Variants in OPRK1 observed in about 807,000 individuals in gnomAD.
The protein encoded by OPRK1 is opioid receptor kappa 1.
Under a neutral mutation model 24.5 loss-of-function variants are expected in OPRK1, and 15 were observed. The ratio of observed to expected loss-of-function variants is 0.61; its 90% CI spans 0.41 to 0.94. The LOEUF (loss-of-function observed/expected upper bound fraction) is 0.94. Among genes scored for constraint, OPRK1 ranks in the 40% least tolerant of loss-of-function variants. OPRK1 has a pLI of 0.00. For synonymous variants in OPRK1, 205 were observed against 198.0 expected (o/e 1.04, Z -0.30); for missense variants, 479 against 507.3 (o/e 0.94, Z 0.54).
In OPRK1 at chr8:53,229,134, C is replaced by A; in HGVS notation, c.*163G>T. ...TTTTGTCCTTGATGTTTCCACTGAT[C>A]ACGAACGTGGTCTGCATCTGATGAC... On this transcript the variant is annotated 3_prime_UTR_variant, in exon 4 of 4. Transcript: ENST00000265572. 1.3e-6 allele frequency: 1 copy of A among 779,150 alleles called. No homozygotes were observed. Among genetic ancestry groups the A allele is most frequent in the Non-Finnish European group, 2.0e-6 (1 of 506,148 alleles). The allele number at this position is 779,150 out of a possible 1,614,324, so 48.3% of individuals were successfully genotyped here.
At chr8:53,243,832 A>G (rs776130822) in intron 2 of OPRK1, among the ~76,000 whole-genome samples, 7 of 152,240 alleles carry the variant, frequency 4.6e-5, no homozygotes, top group Non-Finnish European at 8.8e-5. Context: ...AACATACTAT[A>G]TTAACCAAAG....
chr8:53,243,119 C>A (rs1374644404), intron 2 of OPRK1, among the ~76,000 whole-genome samples: 1 of 152,178 alleles, frequency 6.6e-6, no homozygotes, highest in Admixed American at 6.5e-5. Flanking sequence ...TAATATGATT[C>A]TAAGTATGTA....
At chr8:53,242,680 G>T (rs1394792269) in intron 2 of OPRK1, 13 of 409,366 alleles carry the variant, frequency 3.2e-5, no homozygotes, top group Non-Finnish European at 4.6e-5. Context: ...CTAATTTTTT[G>T]TATTTTTAGT....
At position 53,251,004 on chromosome 8, in the gene OPRK1, G is replaced by T; in HGVS notation, c.34C>A (p.Pro12Thr). The part of the protein sequence containing the change: ...DSPIQIFRGE[P>T]GPTCAPSACL... ...GCGCTCGGGGCGCAGGTAGGGCCCG[G>T]CTCCCCGCGGAAGATCTGGATCGGG... is the stretch of plus-strand genomic sequence containing the variant. The change falls in exon 2 of 4, where the codon CCG becomes ACG. Residue 12 changes from proline to threonine, a missense_variant. Physicochemically the swap from Pro to Thr is conservative, Grantham distance 38. Transcript: ENST00000265572. 1 of 1,573,670 alleles carries T rather than the reference G, an allele frequency of 6.4e-7. No homozygotes were observed. The highest frequency in any genetic ancestry group is 8.6e-7 in the Non-Finnish European group (1 of 1,162,806).
intron 2 of OPRK1, among the ~76,000 whole-genome samples, chr8:53,242,024 C>T (rs1807126805): frequency 1.3e-5 from 2 of 152,226 alleles, no homozygotes; most frequent in South Asian, 4.1e-4. Flanking sequence ...CCCAACAGCA[C>T]CTATAAGAAA....
Position 53,229,685 on chromosome 8 carries a change from C to T in OPRK1, c.755G>A (p.Arg252His), listed in dbSNP as rs200672427. 23 of 1,613,952 alleles carry T rather than the reference C, an allele frequency of 1.4e-5. No individual in the cohort carries two copies. The highest frequency in any genetic ancestry group is 1.0e-4 in the Admixed American group (6 of 59,996). ...IIVCYTLMIL[R>H]LKSVRLLSGS... ...AGAAAGGAGCCGGACGCTCTTGAGA[C>T]GCAGGATCATCAGGGTGTAGCAGAC... The change falls in exon 4 of 4, where the codon CGT (arginine) becomes CAT (histidine). Residue 252 changes from arginine to histidine, a missense_variant. Transcript: ENST00000265572.
Position 53,227,253 on chromosome 8 carries a change from G to A in OPRK1, c.*2044C>T, listed in dbSNP as rs200923671. On this transcript the variant is annotated 3_prime_UTR_variant, in exon 4 of 4. Transcript: ENST00000265572. ...AGCCTGGGCAACAGAGCGAGACTCC[G>A]TCTCAAAAAAAAAAAAAAAAAAAAA... 336 of 114,442 alleles carry A rather than the reference G, an allele frequency of 2.9e-3. 2 individuals carry two copies. The highest frequency in any genetic ancestry group is 0.012 in the African/African-American group (308 of 24,988). The allele number at this position is 114,442 out of a possible 1,614,324, so 7.1% of individuals were successfully genotyped here.
chr8:53,230,416 C>T (rs1216585363), intron 3 of OPRK1, among the ~76,000 whole-genome samples: 1 of 152,076 alleles, frequency 6.6e-6, no homozygotes, highest in Non-Finnish European at 1.5e-5. Flanking sequence ...CAATGACACT[C>T]ATTGTGATTA....
chr8:53,251,212 G>C (rs1317500331), intron 1 of OPRK1, 127 bp from the exon 2 acceptor site: 56 of 1,055,974 alleles, frequency 5.3e-5, no homozygotes, highest in Non-Finnish European at 1.3e-6. Context: ...GCAGGACAGG[G>C]AGAACGGACT....
chr8:53,230,663 G>A (rs1045249100), intron 3 of OPRK1, among the ~76,000 whole-genome samples: 2 of 152,062 alleles, frequency 1.3e-5, no homozygotes, highest in Non-Finnish European at 2.9e-5. Flanking sequence ...GGAAGACCAG[G>A]GACTCAGGAT....
At position 53,228,563 on chromosome 8, in the gene OPRK1, A is replaced by G. The variant is rs1806770967; in HGVS notation, c.*734T>C. The G allele has an allele frequency of 6.6e-6, 1 of 152,206 alleles. No homozygotes were observed. Among genetic ancestry groups the G allele is most frequent in the Non-Finnish European group, 1.5e-5 (1 of 68,034 alleles). 9.4% of individuals were successfully genotyped at this position (152,206 alleles called of 1,614,324 possible). A position where few individuals can be genotyped will look rare whatever the true frequency, so the allele number is the denominator to read the frequency against. On this transcript the variant is annotated 3_prime_UTR_variant, in exon 4 of 4. Transcript: ENST00000265572. Reference sequence around the variant, plus strand: ...TTTTCAGTGGTATTCACACCACTTTATGTTTCTTGACAATGGGACATGCTT... The same window carrying G: ...TTTTCAGTGGTATTCACACCACTTTGTGTTTCTTGACAATGGGACATGCTT...
intron 2 of OPRK1, among the ~76,000 whole-genome samples, chr8:53,247,599 A>AG (rs1207897040): frequency 6.6e-6 from 1 of 152,100 alleles, no homozygotes; most frequent in Non-Finnish European, 1.5e-5. Context: ...TGCCTCTGGC[A>AG]GGGCAAAGGG....
intron 2 of OPRK1, among the ~76,000 whole-genome samples, chr8:53,239,961 G>A (rs1296725310): frequency 1.3e-5 from 2 of 152,146 alleles, no homozygotes; most frequent in Admixed American, 1.3e-4. Context: ...TTAAAAACCA[G>A]GTATTTTATC....
chr8:53,246,181 G>A (rs1335787904), intron 2 of OPRK1, among the ~76,000 whole-genome samples: 1 of 152,146 alleles, frequency 6.6e-6, no homozygotes, highest in Non-Finnish European at 1.5e-5. Context: ...AGAGGATGTG[G>A]GGGAAGCCAA....
At chr8:53,245,420 C>A (rs1004862635) in intron 2 of OPRK1, among the ~76,000 whole-genome samples, 17 of 152,322 alleles carry the variant, frequency 1.1e-4, no homozygotes, top group African/African-American at 3.6e-4. Context: ...ACACCTTGAT[C>A]TCAGGCTTCT....
intron 2 of OPRK1, among the ~76,000 whole-genome samples, chr8:53,246,716 A>T (rs942662426): frequency 1.4e-4 from 22 of 152,164 alleles, no homozygotes; most frequent in Non-Finnish European, 4.4e-5. Context: ...GTGTATGTAG[A>T]GAAGCAGTGT....
At chr8:53,230,623 A>G (rs1056969074) in intron 3 of OPRK1, among the ~76,000 whole-genome samples, 1 of 152,190 alleles carries the variant, frequency 6.6e-6, no homozygotes, top group Non-Finnish European at 1.5e-5. Flanking sequence ...TTTGCTGGGT[A>G]GTATTCTCTT....
chr8:53,226,727 C>T lies in OPRK1; in HGVS notation c.*2570G>A, dbSNP rs936601019. 10 of 110,402 alleles carry T rather than the reference C, an allele frequency of 9.1e-5. No individual in the cohort carries two copies. In the East Asian group the frequency reaches 1.3e-3, roughly 15 times the overall value. 6.8% of individuals were successfully genotyped at this position (110,402 alleles called of 1,614,324 possible). A position where few individuals can be genotyped will look rare whatever the true frequency, so the allele number is the denominator to read the frequency against. On this transcript the variant is annotated 3_prime_UTR_variant, in exon 4 of 4. Transcript: ENST00000265572. ...TGTGCAAGTGGTATTTTCCCTGCTA[C>T]GTTGTTTACTTTATCATTCCTTTAA...
chr8:53,235,432 C>T (rs1360505712), intron 2 of OPRK1, among the ~76,000 whole-genome samples: 1 of 152,212 alleles, frequency 6.6e-6, no homozygotes, highest in Non-Finnish European at 1.5e-5. Context: ...GCTGACAATT[C>T]ATCTTAATCC....
Sources: gnomAD v4.1 joint callset for allele counts (sites outside exome capture counted in the v4.1 genomes callset) on GRCh38, gnomAD v4.1.1 for gene constraint, MANE v1.5 for transcripts, NCBI Gene and HGNC (gene_info 2026-07-23, HGNC 2026-07-21) for gene names.